DAB1: variants seen among roughly 807,000 people sequenced by gnomAD.
DAB1 encodes the protein disabled homolog 1.
In DAB1, 15 loss-of-function variants were observed where a neutral mutation model predicts 64.6. The observed-to-expected ratio is 0.23, with a 90% CI of 0.16 to 0.36. The LOEUF is 0.36. Among genes scored for constraint, DAB1 ranks in the 10% least tolerant of loss-of-function variants. The pLI, the probability that DAB1 is intolerant of heterozygous loss-of-function variation, is 1.00. For synonymous variants in DAB1, 235 were observed against 251.9 expected (o/e 0.93, Z 0.64); for missense variants, 596 against 706.7 (o/e 0.84, Z 1.78).
chr1:57,621,239 G>T, intron 7 of DAB1, among the ~76,000 whole-genome samples: 1 of 141,052 alleles, frequency 7.1e-6, no homozygotes, highest in South Asian at 2.6e-4. Context: ...TTGAGTTTGC[G>T]TTTAAGAGAG....
At chr1:58,417,525 T>C (rs1557754108) in intron 3 of DAB1, among the ~76,000 whole-genome samples, 1 of 152,146 alleles carries the variant, frequency 6.6e-6, no homozygotes, top group African/African-American at 2.4e-5. Context: ...CAAGAGGCAA[T>C]ATCCAGTGCA....
intron 7 of DAB1, among the ~76,000 whole-genome samples, chr1:57,588,160 T>G (rs1244697810): frequency 2.0e-5 from 3 of 152,218 alleles, no homozygotes; most frequent in Non-Finnish European, 4.4e-5. Context: ...TCAGGTCATT[T>G]TTATTTCTCC....
chr1:57,692,563 G>A (rs186612549), intron 6 of DAB1, among the ~76,000 whole-genome samples: 4 of 152,036 alleles, frequency 2.6e-5, no homozygotes, highest in Admixed American at 2.0e-4. Flanking sequence ...AAAGAGAGAT[G>A]GAAATAGTAA....
chr1:57,487,760 A>G lies in DAB1; in HGVS notation n.625+161832T>C, dbSNP rs995087657. Among the ~76,000 whole-genome samples, 5 of 152,340 alleles carry G rather than the reference A, an allele frequency of 3.3e-5. No individual in the cohort carries two copies. In the South Asian group the frequency reaches 6.2e-4, roughly 19 times the overall value. On this transcript the variant is annotated intron_variant and non_coding_transcript_variant, in intron 7 of 20. Transcript: ENST00000485760. ...AGGTACACTCTATGATGTTTGTATAATAATGAAATCACCAAAAGATGCATT... is the reference window on the plus strand; with the variant it reads ...AGGTACACTCTATGATGTTTGTATAGTAATGAAATCACCAAAAGATGCATT...
intron 2 of DAB1, among the ~76,000 whole-genome samples, chr1:57,188,825 C>T (rs1330353259): frequency 6.6e-6 from 1 of 152,186 alleles, no homozygotes; most frequent in African/African-American, 2.4e-5. Context: ...ATAGTTAGAG[C>T]TAAAATTTGT....
At chr1:58,454,198 T>A (rs1268004470) in intron 3 of DAB1, among the ~76,000 whole-genome samples, 1 of 152,108 alleles carries the variant, frequency 6.6e-6, no homozygotes, top group African/African-American at 2.4e-5. Flanking sequence ...AGCTGCTCCA[T>A]CGAGGGGCTG....
chr1:57,197,224 A>C (rs1664696316), intron 2 of DAB1, among the ~76,000 whole-genome samples: 1 of 152,054 alleles, frequency 6.6e-6, no homozygotes, highest in Non-Finnish European at 1.5e-5. Flanking sequence ...CGTGTCTGTA[A>C]TCCCAGTTAC....
At chr1:58,073,908 G>A (rs576985234) in intron 5 of DAB1, among the ~76,000 whole-genome samples, 3 of 152,234 alleles carry the variant, frequency 2.0e-5, no homozygotes, top group Admixed American at 1.3e-4. Context: ...CAGAAGGCCC[G>A]GAACCCCTGG....
chr1:57,890,947 G>T (rs1644303201), intron 5 of DAB1, among the ~76,000 whole-genome samples: 1 of 152,096 alleles, frequency 6.6e-6, no homozygotes, highest in Non-Finnish European at 1.5e-5. Flanking sequence ...TTAAATATAT[G>T]CCCTTGCCAA....
intron 3 of DAB1, among the ~76,000 whole-genome samples, chr1:58,409,734 C>T (rs1644649237): frequency 6.6e-6 from 1 of 152,100 alleles, no homozygotes; most frequent in African/African-American, 2.4e-5. Context: ...GCCTTGTAGG[C>T]CTTGCATTAA....
At chr1:57,063,053 C>A in intron 8 of DAB1, 110 bp from the exon 9 acceptor site, 1 of 892,560 alleles carries the variant, frequency 1.1e-6, no homozygotes, top group Non-Finnish European at 1.8e-6. Context: ...TGAGAATGGC[C>A]CCAGGGACAA....
chr1:58,120,589 A>G (rs1209351903), intron 5 of DAB1, among the ~76,000 whole-genome samples: 4 of 152,174 alleles, frequency 2.6e-5, no homozygotes, highest in Non-Finnish European at 5.9e-5. Flanking sequence ...CCCACGGAAG[A>G]TGCTTCCTTC....
At chr1:58,473,759 G>A in intron 3 of DAB1, 1 of 507,978 alleles carries the variant, frequency 2.0e-6, no homozygotes, top group Admixed American at 2.8e-5. Flanking sequence ...AAGCCCTAAT[G>A]ACCCCATCTC....
intron 1 of DAB1, among the ~76,000 whole-genome samples, chr1:57,343,204 G>C (rs1191536517): frequency 1.3e-5 from 2 of 152,180 alleles, no homozygotes; most frequent in Non-Finnish European, 1.5e-5. Context: ...GTCCCCACCA[G>C]AGTAGCTAGA....
chr1:57,947,343 G>A (rs956688353), intron 5 of DAB1, among the ~76,000 whole-genome samples: 2 of 152,122 alleles, frequency 1.3e-5, no homozygotes, highest in East Asian at 1.9e-4. Flanking sequence ...CCAGAAATGA[G>A]TTCTCCTGAC....
intron 1 of DAB1, among the ~76,000 whole-genome samples, chr1:58,534,772 C>T (rs1012760804): frequency 6.6e-6 from 1 of 151,984 alleles, no homozygotes; most frequent in African/African-American, 2.4e-5. Flanking sequence ...CCGTCTCTAC[C>T]GAAAACACAA....
chr1:58,255,965 G>T (rs1222474946), intron 4 of DAB1, among the ~76,000 whole-genome samples: 1 of 152,196 alleles, frequency 6.6e-6, no homozygotes, highest in Non-Finnish European at 1.5e-5. Flanking sequence ...AGGTATCAAA[G>T]TCAGGATTTG....
intron 5 of DAB1, among the ~76,000 whole-genome samples, chr1:58,042,000 C>CT (rs1285201091): frequency 1.3e-5 from 2 of 152,188 alleles, no homozygotes; most frequent in African/African-American, 4.8e-5. Context: ...AATATCCATC[C>CT]TTATCTACCA....
At chr1:57,759,650 G>T (rs1410876885) in intron 6 of DAB1, among the ~76,000 whole-genome samples, 2 of 152,174 alleles carry the variant, frequency 1.3e-5, no homozygotes, top group African/African-American at 4.8e-5. Context: ...CACTGAGGTG[G>T]TTTTCAGCAG....
Sources: allele counts gnomAD v4.1 joint callset (sites outside exome capture counted in the v4.1 genomes callset), GRCh38; gene constraint gnomAD v4.1.1; transcripts MANE v1.5; gene names NCBI Gene and HGNC (gene_info 2026-07-23, HGNC 2026-07-21).